Variants in PTPRJ observed in about 807,000 individuals in gnomAD.
PTPRJ encodes receptor-type tyrosine-protein phosphatase eta.
In PTPRJ, 129 loss-of-function variants were observed where a neutral mutation model predicts 141.3. The observed-to-expected ratio is 0.91, with a 90% CI of 0.79 to 1.06. The LOEUF (loss-of-function observed/expected upper bound fraction) is 1.06, where lower values mean the gene tolerates loss of function less well. PTPRJ is among the 50% of genes least tolerant of loss of function. PTPRJ has a pLI of 0.00. For synonymous variants in PTPRJ, 610 were observed against 640.5 expected, an observed-to-expected ratio of 0.95 and a Z score of 0.72; for missense variants, 1,601 against 1,679.7, an observed-to-expected ratio of 0.95 and a Z score of 0.82.
intron 12 of PTPRJ, among the ~76,000 whole-genome samples, 184 bp downstream of exon 12, chr11:48,143,234 A>G (rs143096926): frequency 1.3e-5 from 2 of 152,342 alleles, no homozygotes; most frequent in Non-Finnish European, 2.9e-5. Context: ...AACTTTCTGG[A>G]AAGGGCCAGA....
At chr11:48,063,163 A>C (rs960036287) in intron 1 of PTPRJ, among the ~76,000 whole-genome samples, 1 of 152,128 alleles carries the variant, frequency 6.6e-6, no homozygotes, top group Non-Finnish European at 1.5e-5. Flanking sequence ...CCTTGTCTCT[A>C]TTAAAAATAT....
intron 1 of PTPRJ, among the ~76,000 whole-genome samples, chr11:48,031,996 G>C (rs2134225621): frequency 6.6e-6 from 1 of 152,296 alleles, no homozygotes; most frequent in East Asian, 1.9e-4. Context: ...GTGTCCCTGT[G>C]ACTGTATCAT....
intron 1 of PTPRJ, among the ~76,000 whole-genome samples, chr11:48,086,255 C>A (rs1315651701): frequency 6.6e-6 from 1 of 152,128 alleles, no homozygotes; most frequent in Non-Finnish European, 1.5e-5. Flanking sequence ...CTCATTGCAA[C>A]CTCTGCCTCC....
In PTPRJ at chr11:48,157,091, C is replaced by T. The variant is rs145332276; in HGVS notation, c.3438+972C>T. On this transcript the variant is annotated intron_variant, in intron 21 of 24. Transcript: ENST00000418331. ...GCAACCTCCGACTCCCTGGTTCAAG[C>T]GATTCTCCTGCCTCAGCCTCCCAAG... Among the ~76,000 whole-genome samples the T allele has an allele frequency of 4.6e-3, 700 of 152,038 alleles. 6 individuals carry two copies. Among genetic ancestry groups the T allele is most frequent in the African/African-American group, 0.016 (670 of 41,464 alleles).
At chr11:48,039,669 G>T (rs1357301036) in intron 1 of PTPRJ, among the ~76,000 whole-genome samples, 1 of 151,850 alleles carries the variant, frequency 6.6e-6, no homozygotes, top group Admixed American at 6.6e-5. Flanking sequence ...GTCTCTGTGG[G>T]TTTCACCCCT....
rs573082025 is a variant in PTPRJ, at chr11:48,042,742, CTGTGTGTGTGTGTAGGGGTGTG to C, written c.96+61748_96+61769del. 1.9e-3 allele frequency among the ~76,000 whole-genome samples: 270 copies of C among 145,766 alleles called. 1 individual carries two copies. Among genetic ancestry groups the C allele is most frequent in the African/African-American group, 6.7e-3 (257 of 38,458 alleles). Reference sequence around the variant, plus strand: ...GCCCTGGGTTCTGACTTTCTTTTGCCTGTGTGTGTGTGTAGGGGTGTGTGTGTGTGTGTGTGTGTGTGTGAGA... The same window carrying C: ...GCCCTGGGTTCTGACTTTCTTTTGCCTGTGTGTGTGTGTGTGTGTGTGAGA... On this transcript the variant is annotated intron_variant, in intron 1 of 24. Coordinates refer to ENST00000418331, the MANE Select transcript of PTPRJ (RefSeq NM_002843.4).
chr11:48,066,468 C>T (rs919525959), intron 1 of PTPRJ, among the ~76,000 whole-genome samples: 2 of 151,992 alleles, frequency 1.3e-5, no homozygotes, highest in African/African-American at 2.4e-5. Context: ...ACAGAAGAGC[C>T]TGAGTCGAAT....
chr11:48,136,862 T>G, intron 9 of PTPRJ, 141 bp from the exon 10 acceptor site: 1 of 840,312 alleles, frequency 1.2e-6, no homozygotes, highest in Non-Finnish European at 1.8e-6. Flanking sequence ...TTTTGGGAAG[T>G]TTTCCATCTT....
chr11:48,114,429 C>CAAAA (rs71045544), intron 3 of PTPRJ, among the ~76,000 whole-genome samples: 5 of 68,732 alleles, frequency 7.3e-5, no homozygotes, highest in African/African-American at 2.0e-4. Flanking sequence ...GACTCTGTCT[C>CAAAA]AAAAAAAAAA....
chr11:48,016,897 C>T (rs966322632), intron 1 of PTPRJ, among the ~76,000 whole-genome samples: 4 of 151,772 alleles, frequency 2.6e-5, no homozygotes, highest in African/African-American at 7.3e-5. Flanking sequence ...GAGCAGGGAC[C>T]GTCTATTATT....
chr11:48,025,561 C>G (rs1853784814), intron 1 of PTPRJ, among the ~76,000 whole-genome samples: 1 of 152,176 alleles, frequency 6.6e-6, no homozygotes. Flanking sequence ...ACATGACATG[C>G]AGAGCAGGCA....
chr11:48,066,949 TAAATG>T (rs1450889631), intron 1 of PTPRJ, among the ~76,000 whole-genome samples: 2 of 152,282 alleles, frequency 1.3e-5, no homozygotes, highest in East Asian at 3.9e-4. Context: ...GGGTCACAAT[TAAATG>T]GTTAAATGAG....
chr11:48,028,606 C>T (rs923300981), intron 1 of PTPRJ, among the ~76,000 whole-genome samples: 13 of 152,270 alleles, frequency 8.5e-5, no homozygotes, highest in East Asian at 5.8e-4. Context: ...GCCTGGCCAA[C>T]GTGGTGAAAC....
intron 1 of PTPRJ, among the ~76,000 whole-genome samples, chr11:48,022,535 G>T (rs1476616996): frequency 6.6e-6 from 1 of 151,472 alleles, no homozygotes; most frequent in Admixed American, 6.6e-5. Context: ...GGTCTGGTGA[G>T]TTTGGAAACC....
intron 1 of PTPRJ, among the ~76,000 whole-genome samples, chr11:47,992,166 G>C (rs1854210992): frequency 6.6e-6 from 1 of 151,744 alleles, no homozygotes; most frequent in Non-Finnish European, 1.5e-5. Context: ...CATAGTATAG[G>C]CCACCTCTTT....
At chr11:48,043,348 G>A (rs1186389455) in intron 1 of PTPRJ, among the ~76,000 whole-genome samples, 1 of 152,128 alleles carries the variant, frequency 6.6e-6, no homozygotes, top group Non-Finnish European at 1.5e-5. Context: ...TGAGTAGCTG[G>A]GATTACAGGC....
Position 48,136,115 on chromosome 11 carries a change from C to G in PTPRJ, c.1692C>G (p.Asp564Glu), listed in dbSNP as rs752830587. 17 of 1,614,072 alleles carry G rather than the reference C, an allele frequency of 1.1e-5. No homozygotes were observed. Among genetic ancestry groups the G allele is most frequent in the Non-Finnish European group, 1.4e-5 (16 of 1,180,038 alleles). Residue 564 changes from aspartate (D) to glutamate (E), a missense_variant, in exon 9 of 25, where the codon GAC (aspartate) becomes GAG (glutamate). Asp to Glu is a conservative substitution (Grantham distance 45). Coordinates refer to ENST00000418331, the MANE Select transcript of PTPRJ (RefSeq NM_002843.4). ...TEMWLDWKSP[D>E]GASEYVYHLV... ...TGTGGCTGGACTGGAAGAGCCCTGA[C>G]GGTGCTTCCGAGTATGTCTACCATT... is the stretch of plus-strand genomic sequence containing the variant.
intron 1 of PTPRJ, among the ~76,000 whole-genome samples, chr11:48,056,314 T>A (rs973710760): frequency 6.6e-6 from 1 of 152,194 alleles, no homozygotes; most frequent in African/African-American, 2.4e-5. Context: ...CTTTGATCCC[T>A]CTTAGTTGTG....
intron 1 of PTPRJ, among the ~76,000 whole-genome samples, chr11:48,099,918 T>G (rs1214151483): frequency 1.3e-5 from 2 of 152,174 alleles, no homozygotes; most frequent in African/African-American, 4.8e-5. Context: ...TGAAAGGGAC[T>G]GTTGTAGGCG....
Sources: allele counts gnomAD v4.1 joint callset (sites outside exome capture counted in the v4.1 genomes callset), GRCh38; gene constraint gnomAD v4.1.1; transcripts MANE v1.5; gene names NCBI Gene and HGNC (gene_info 2026-07-23, HGNC 2026-07-21).